COL4A2: variants seen among roughly 807,000 people sequenced by gnomAD.
COL4A2 encodes collagen type IV alpha 2 chain.
In COL4A2, 99 loss-of-function variants were observed where a neutral mutation model predicts 200.2. The observed-to-expected ratio is 0.49, with a 90% confidence interval of 0.42 to 0.58. The LOEUF (loss-of-function observed/expected upper bound fraction) is 0.58, where lower values mean the gene tolerates loss of function less well. COL4A2 is among the 20% of genes least tolerant of loss of function. The pLI, the probability that COL4A2 is intolerant of heterozygous loss-of-function variation, is 0.00. For synonymous variants in COL4A2, 897 were observed against 900.6 expected (o/e 1.00, Z 0.07); for missense variants, 1,950 against 2,314.1 (o/e 0.84, Z 3.23).
At chr13:110,413,800 T>C (rs12868443) in intron 4 of COL4A2, among the ~76,000 whole-genome samples, 28,175 of 152,084 alleles carry the variant, frequency 0.19, 2,770 homozygotes, top group East Asian at 0.34. Context: ...TTGGCGGTGG[T>C]GAGCAGCCGG....
At chr13:110,351,549 T>C (rs1459852460) in intron 3 of COL4A2, among the ~76,000 whole-genome samples, 2 of 152,238 alleles carry the variant, frequency 1.3e-5, no homozygotes, top group South Asian at 2.1e-4. Flanking sequence ...TGGACACTTA[T>C]TTCCTAAAAT....
intron 37 of COL4A2, among the ~76,000 whole-genome samples, chr13:110,491,592 GTC>G (rs1883284986): frequency 6.6e-6 from 1 of 152,188 alleles, no homozygotes; most frequent in Non-Finnish European, 1.5e-5. Flanking sequence ...TTGAGCCTCT[GTC>G]TCTCATATAG....
intron 14 of COL4A2, 22 bp from the exon 15 acceptor site, chr13:110,438,595 AC>A (rs1566533285): frequency 1.9e-6 from 3 of 1,614,142 alleles, no homozygotes; most frequent in Non-Finnish European, 1.7e-6. Flanking sequence ...GTTGCTCCTT[AC>A]GCCCCCTCTG....
At chr13:110,319,952 A>G (rs1160186982) in intron 3 of COL4A2, among the ~76,000 whole-genome samples, 1 of 152,234 alleles carries the variant, frequency 6.6e-6, no homozygotes, top group Non-Finnish European at 1.5e-5. Flanking sequence ...AAAATTGTGT[A>G]TCTTCAGTGA....
chr13:110,450,100 C>G (rs556338124), intron 19 of COL4A2, among the ~76,000 whole-genome samples: 68 of 152,284 alleles, frequency 4.5e-4, no homozygotes, highest in Non-Finnish European at 7.2e-4. Context: ...TCACAACTAT[C>G]AAGCCATTAT....
intron 3 of COL4A2, among the ~76,000 whole-genome samples, chr13:110,339,409 C>T (rs1469599211): frequency 1.3e-5 from 2 of 152,092 alleles, no homozygotes; most frequent in African/African-American, 4.8e-5. Context: ...ACCCAGTTTT[C>T]GTGGGAAGAA....
chr13:110,509,047 T>C (rs1259872613), intron 47 of COL4A2, among the ~76,000 whole-genome samples: 1 of 151,990 alleles, frequency 6.6e-6, no homozygotes, highest in East Asian at 1.9e-4. Flanking sequence ...TGAATACATA[T>C]TGCTTTTGCA....
In COL4A2 at chr13:110,503,387, C is replaced by T. The variant is rs1883719818; in HGVS notation, c.4044C>T (p.Pro1348=). The T allele has an allele frequency of 6.3e-7, 1 of 1,598,298 alleles. No homozygotes were observed. The highest frequency in any genetic ancestry group is 1.3e-5 in the African/African-American group (1 of 74,658). ...AACGTCTTGTTTGTGTTGCAGGGCC[C>T]AGGGGTGAACAAGGCTTCATGGGGA... ...GVFGLPGEKG[P]RGEQGFMGNT... The change falls in exon 43 of 48, where the codon CCC becomes CCT. Residue 1348 remains proline, a synonymous_variant. Transcript: ENST00000360467.
chr13:110,505,194 CA>C (rs774571212), intron 45 of COL4A2, among the ~76,000 whole-genome samples: 17 of 151,228 alleles, frequency 1.1e-4, no homozygotes, highest in Non-Finnish European at 2.2e-4. Flanking sequence ...ACTAAAAATA[CA>C]AAAAATTAGC....
intron 13 of COL4A2, 137 bp from the exon 14 acceptor site, chr13:110,437,865 A>G (rs1320113869): frequency 1.3e-6 from 1 of 749,326 alleles, no homozygotes; most frequent in Admixed American, 2.4e-5. Flanking sequence ...TTTAAGAGTC[A>G]TGTGTTGTAA....
chr13:110,348,641 C>G (rs910861228), intron 3 of COL4A2, among the ~76,000 whole-genome samples: 3 of 132,172 alleles, frequency 2.3e-5, no homozygotes, highest in Non-Finnish European at 4.8e-5. Context: ...GTGTCAAAGA[C>G]AAAGAATTGT....
chr13:110,332,799 T>A (rs1228439179), intron 3 of COL4A2, among the ~76,000 whole-genome samples: 1 of 152,218 alleles, frequency 6.6e-6, no homozygotes. Context: ...AATTGACTTG[T>A]CACATATTTC....
At chr13:110,329,217 C>A (rs1199522804) in intron 3 of COL4A2, among the ~76,000 whole-genome samples, 1 of 152,156 alleles carries the variant, frequency 6.6e-6, no homozygotes, top group African/African-American at 2.4e-5. Context: ...CAAATGTTTT[C>A]AAAGATACAC....
rs1186275007 is a variant in COL4A2 at position 110,492,062 on chromosome 13, A to AC, written c.3455-3dup. ...TGTGCTCAGACTTAATGCTGTGTTC[A>AC]CCCCCAGGCTTTCCAGGGCTGACTG... On this transcript the variant is annotated splice_polypyrimidine_tract_variant and splice_region_variant and intron_variant, in intron 37 of 47. Coordinates refer to ENST00000360467, the MANE Select transcript of COL4A2 (RefSeq NM_001846.4). 6.5e-7 allele frequency: 1 copy of AC among 1,550,306 alleles called. No homozygotes were observed. The highest frequency in any genetic ancestry group is 2.0e-5 in the Admixed American group (1 of 50,822).
intron 33 of COL4A2, among the ~76,000 whole-genome samples, chr13:110,485,407 C>T (rs1448539645): frequency 6.6e-6 from 1 of 151,466 alleles, no homozygotes; most frequent in African/African-American, 2.4e-5. Context: ...CCTGTAGTCC[C>T]AACTACTTAG....
At chr13:110,346,685 G>A (rs1319966643) in intron 3 of COL4A2, among the ~76,000 whole-genome samples, 10 of 152,164 alleles carry the variant, frequency 6.6e-5, no homozygotes, top group South Asian at 2.1e-4. Context: ...CCCTTTGGTC[G>A]CTGTCCTGCC....
rs1882225756 is a variant in COL4A2 at position 110,466,011 on chromosome 13, A to G, written c.1987A>G (p.Thr663Ala). 1 of 1,613,846 alleles carries G rather than the reference A, an allele frequency of 6.2e-7. No individual in the cohort carries two copies. The highest frequency in any genetic ancestry group is 1.1e-5 in the South Asian group (1 of 91,060). ...TTATGTCTTCCCCCCAGATTGTGACACAGATGTGAAAAGGGCCGTTGGAGG... is the reference window on the plus strand; with the variant it reads ...TTATGTCTTCCCCCCAGATTGTGACGCAGATGTGAAAAGGGCCGTTGGAGG... Reference protein sequence around the residue: ...AGTPGQIDCDTDVKRAVGGDR... With the variant: ...AGTPGQIDCDADVKRAVGGDR... The change falls in exon 26 of 48, where the codon ACA becomes GCA. Residue 663 changes from threonine to alanine, a missense_variant. By Grantham distance (58) the Thr-to-Ala change is moderately conservative. Coordinates refer to ENST00000360467, the MANE Select transcript of COL4A2 (RefSeq NM_001846.4).
In COL4A2 at chr13:110,485,834, C is replaced by T. The variant is rs200165414; in HGVS notation, c.3205C>T (p.Arg1069Trp). 13 of 1,613,236 alleles carry T rather than the reference C, an allele frequency of 8.1e-6. No homozygotes were observed. Among genetic ancestry groups the T allele is most frequent in the Admixed American group, 1.7e-5 (1 of 59,902 alleles). The change falls in exon 34 of 48, where the codon CGG (arginine) becomes TGG (tryptophan). Residue 1069 changes from arginine to tryptophan, a missense_variant and splice_region_variant. Transcript: ENST00000360467. ...ITGFPGFIGS[R>W]GDKGAPGRAG... ...GGGATTCCCAGGATTCATAGGAAGC[C>T]GGGTGAGTGGGCGTCTTTTACTCCC...
intron 40 of COL4A2, among the ~76,000 whole-genome samples, chr13:110,496,416 C>G (rs1883455938): frequency 6.6e-6 from 1 of 152,246 alleles, no homozygotes. Flanking sequence ...CTCCACAGCA[C>G]TGATCTGAAG....
Sources: gnomAD v4.1 joint callset for allele counts (sites outside exome capture counted in the v4.1 genomes callset) on GRCh38, gnomAD v4.1.1 for gene constraint, MANE v1.5 for transcripts, NCBI Gene and HGNC (gene_info 2026-07-23, HGNC 2026-07-21) for gene names.